Variants in TTN observed in about 807,000 individuals in gnomAD.
The protein encoded by TTN is titin.
A neutral mutation model predicts 3,223.0 loss-of-function variants in TTN; 1,525 were observed. The observed-to-expected ratio is 0.47, with a 90% confidence interval of 0.45 to 0.49. The LOEUF (loss-of-function observed/expected upper bound fraction) is 0.49. Among genes scored for constraint, TTN ranks in the 20% least tolerant of loss-of-function variants. The pLI, the probability that TTN is intolerant of heterozygous loss-of-function variation, is 0.00. For missense variants in TTN, 40,786 were observed against 43,424.0 expected, an observed-to-expected ratio of 0.94 and a Z score of 5.40; for synonymous variants, 14,094 against 15,161.0, an observed-to-expected ratio of 0.93 and a Z score of 5.17.
Position 178,560,381 on chromosome 2 carries a change from C to T in TTN, c.85751G>A (p.Gly28584Glu), listed in dbSNP as rs992420765. 1.9e-6 allele frequency: 3 copies of T among 1,613,660 alleles called. No homozygotes were observed. The highest frequency in any genetic ancestry group is 3.3e-5 in the Admixed American group (2 of 59,984). ...PESDGGSEIS[G>E]YIIERREKNS... ...TTTCTCTCGCCTTTCAATTATATAT[C>T]CAGATATTTCACTACCTCCATCACT... The change falls in exon 326 of 363, where the codon GGA becomes GAA. Residue 28584 changes from glycine (G) to glutamate (E), a missense_variant. Physicochemically the swap from Gly to Glu is moderately conservative, Grantham distance 98. Coordinates refer to ENST00000589042, the MANE Select transcript of TTN (RefSeq NM_001267550.2).
In TTN at chr2:178,575,294, C is replaced by T. The variant is rs1383287130; in HGVS notation, c.70838G>A (p.Arg23613Lys). ...GGGTCTGCTTTCTCTAGGGGCACTT[C>T]TCCCCGCGCTGTTCACTGCCATCAC... is the stretch of plus-strand genomic sequence containing the variant. ...FQVMAVNSAG[R>K]SAPRESRPVI... The change falls in exon 326 of 363, where the codon AGA becomes AAA. Residue 23613 changes from arginine (R) to lysine (K), a missense_variant. Transcript: ENST00000589042. The surrounding 1 kb of genome is among the most constrained non-coding windows in gnomAD (Gnocchi z 4.0). 6.2e-7 allele frequency: 1 copy of T among 1,613,306 alleles called. No homozygotes were observed. Among genetic ancestry groups the T allele is most frequent in the Non-Finnish European group, 8.5e-7 (1 of 1,179,648 alleles).
intron 20 of TTN, 118 bp from the exon 21 acceptor site, chr2:178,781,381 G>T: frequency 8.8e-7 from 1 of 1,142,160 alleles, no homozygotes; most frequent in African/African-American, 1.5e-5. Flanking sequence ...CTAAACATAT[G>T]ACTAAGCTCC....
At chr2:178,749,288 T>C in intron 47 of TTN, 1 of 1,611,664 alleles carries the variant, frequency 6.2e-7, no homozygotes, top group Non-Finnish European at 8.5e-7. Context: ...TTGGTGCAGC[T>C]TTGATTTTTC....
At chr2:178,668,386 G>A (rs886421309) in intron 159 of TTN, among the ~76,000 whole-genome samples, 2 of 152,058 alleles carry the variant, frequency 1.3e-5, no homozygotes, top group African/African-American at 4.8e-5. Flanking sequence ...TAGTATAACA[G>A]GATGAACAAC....
At chr2:178,725,210 A>G (rs2079126610) in intron 71 of TTN, 158 bp downstream of exon 71, 2 of 758,306 alleles carry the variant, frequency 2.6e-6, no homozygotes, top group Non-Finnish European at 3.7e-6. Flanking sequence ...AACAGAAAAG[A>G]GTGTTTGAAA....
intron 119 of TTN, among the ~76,000 whole-genome samples, chr2:178,692,984 G>A (rs539637354): frequency 6.6e-6 from 1 of 151,936 alleles, no homozygotes; most frequent in Non-Finnish European, 1.5e-5. Context: ...TGGGATGGAG[G>A]GGGTGGAGCC....
chr2:178,695,869 A>G lies in TTN; in HGVS notation c.31203T>C (p.Tyr10401=). 2.8e-6 allele frequency: 4 copies of G among 1,453,542 alleles called. No individual in the cohort carries two copies. Among genetic ancestry groups the G allele is most frequent in the African/African-American group, 1.4e-5 (1 of 69,858 alleles). The allele number at this position is 1,453,542 out of a possible 1,614,324, so 90.0% of individuals were successfully genotyped here. Residue 10401 remains tyrosine (Y), a synonymous_variant, in exon 114 of 363, where the codon TAT becomes TAC. Transcript: ENST00000589042. ...REVIQVQKEV[Y]EESHERKVPA... is the part of the protein sequence containing the mutation. The stretch of plus-strand genomic sequence containing the variant: ...AGTCATTCAGTTTATACATACCTTC[A>G]TAGACCTCCTTTTGAACTTGAATTA...
At chr2:178,758,807 A>C in intron 44 of TTN, 177 bp downstream of exon 44, 1 of 681,314 alleles carries the variant, frequency 1.5e-6, no homozygotes, top group African/African-American at 1.8e-5. Flanking sequence ...TATGATTCAC[A>C]ATGAAAAGTG....
intron 113 of TTN, among the ~76,000 whole-genome samples, chr2:178,696,809 C>G (rs1037584972): frequency 6.6e-6 from 1 of 151,980 alleles, no homozygotes; most frequent in Non-Finnish European, 1.5e-5. Context: ...CTTAAGGGCT[C>G]TCATTATTTA....
At chr2:178,646,967 A>C in intron 215 of TTN, 97 bp downstream of exon 215, 1 of 413,258 alleles carries the variant, frequency 2.4e-6, no homozygotes, top group Non-Finnish European at 4.0e-6. Flanking sequence ...TCTTGTATAT[A>C]ATTTCAAGAA....
In TTN at chr2:178,713,713, G is replaced by A. The variant is rs943791259; in HGVS notation, c.26761+184C>T. ...ATTTTGGAAATTCCTCAAAAAGAAA[G>A]GGATATAACTTTTGAACATGGTTTT... On this transcript the variant is annotated intron_variant, in intron 92 of 362. Coordinates refer to ENST00000589042, the MANE Select transcript of TTN (RefSeq NM_001267550.2). The A allele has an allele frequency of 2.3e-5, 20 of 861,410 alleles. No individual in the cohort carries two copies. In the East Asian group the frequency reaches 4.9e-4, roughly 21 times the overall value. 53.4% of individuals were successfully genotyped at this position (861,410 alleles called of 1,614,324 possible). A position where few individuals can be genotyped will look rare whatever the true frequency, so the allele number is the denominator to read the frequency against.
chr2:178,650,127 G>T, intron 210 of TTN, 37 bp downstream of exon 210: 1 of 1,493,750 alleles, frequency 6.7e-7, no homozygotes, highest in South Asian at 1.3e-5. Flanking sequence ...AAAATGAAAT[G>T]ACTGTATTTT....
intron 29 of TTN, 167 bp downstream of exon 29, chr2:178,774,754 G>T: frequency 1.1e-6 from 1 of 885,838 alleles, no homozygotes; most frequent in Non-Finnish European, 1.7e-6. Context: ...TGGTCAAATT[G>T]TTAACATTCT....
At position 178,663,858 on chromosome 2, in the gene TTN, AG is replaced by A. The variant is rs2065278361; in HGVS notation, c.36408del (p.Leu12137TrpfsTer21). On this transcript the variant is annotated frameshift_variant, in exon 170 of 363. Transcript: ENST00000589042. LOFTEE classifies it high-confidence loss of function. ...SKEVIREEKV[P>X]LAPPKEPEVP... ...ACTTCAGGCTCTTTAGGAGGAGCCAAGGGCACTTTCTCTTCGCGGATAACCT... is the reference window on the plus strand; with the variant it reads ...ACTTCAGGCTCTTTAGGAGGAGCCAAGGCACTTTCTCTTCGCGGATAACCT... 1.2e-6 allele frequency: 2 copies of A among 1,613,032 alleles called. No homozygotes were observed. The highest frequency in any genetic ancestry group is 1.7e-6 in the Non-Finnish European group (2 of 1,179,714).
rs1064793888 is a variant in TTN, at chr2:178,546,248, C to CG, written c.95082dup (p.Gly31695ArgfsTer13). The CG allele has an allele frequency of 6.2e-7, 1 of 1,613,078 alleles. No individual in the cohort carries two copies. The highest frequency in any genetic ancestry group is 8.5e-7 in the Non-Finnish European group (1 of 1,179,282). On this transcript the variant is annotated frameshift_variant, in exon 342 of 363. Coordinates refer to ENST00000589042, the MANE Select transcript of TTN (RefSeq NM_001267550.2). LOFTEE classifies it high-confidence loss of function. ...ACCATGACAGACACGGCCTTGGTCCCGCTGGCATTTTTCACTGTTAAAGTG... is the reference window on the plus strand; with the variant it reads ...ACCATGACAGACACGGCCTTGGTCCCGGCTGGCATTTTTCACTGTTAAAGTG...
At position 178,633,811 on chromosome 2, in the gene TTN, A is replaced by G. The variant is rs2060100936; in HGVS notation, c.42682+6T>C. On this transcript the variant is annotated splice_donor_region_variant and intron_variant, in intron 231 of 362. Transcript: ENST00000589042. ...TGGCTATCTGGTTATACTTGGTTAC[A>G]TTTACCTAAGACCTTCAGCTGTGCT... 1.9e-6 allele frequency: 3 copies of G among 1,612,362 alleles called. No individual in the cohort carries two copies. The highest frequency in any genetic ancestry group is 2.5e-6 in the Non-Finnish European group (3 of 1,179,408).
chr2:178,565,749 T>C lies in TTN; in HGVS notation c.80383A>G (p.Thr26795Ala). ...GKVTLTDVSQTSASLMWEKPE... is the reference protein window; with the variant it reads ...GKVTLTDVSQASASLMWEKPE... ...TTCTCCCACATAAGTGATGCACTGG[T>C]CTGGGACACATCAGTGAGTGTAACC... Residue 26795 changes from threonine to alanine, a missense_variant, in exon 326 of 363, where the codon ACC becomes GCC. By Grantham distance (58) the Thr-to-Ala change is moderately conservative. Transcript: ENST00000589042. 1 of 1,613,558 alleles carries C rather than the reference T, an allele frequency of 6.2e-7. No individual in the cohort carries two copies. The highest frequency in any genetic ancestry group is 8.5e-7 in the Non-Finnish European group (1 of 1,179,620).
In TTN at chr2:178,607,124, A is replaced by G. The variant is rs1437694138; in HGVS notation, c.53478T>C (p.Gly17826=). 1.2e-5 allele frequency: 20 copies of G among 1,612,822 alleles called. No individual in the cohort carries two copies. The highest frequency in any genetic ancestry group is 1.7e-5 in the Admixed American group (1 of 59,956). ...ACTTATATTCTTGTCCCTCAAGCAG[A>G]CCTGTGATGTCACATTTAGATCTCT... The part of the protein sequence containing the change: ...ETERSKCDIT[G]LLEGQEYKFR... The change falls in exon 278 of 363, where the codon GGT becomes GGC. Residue 17826 remains glycine (G), a synonymous_variant. Coordinates refer to ENST00000589042, the MANE Select transcript of TTN (RefSeq NM_001267550.2).
intron 52 of TTN, 80 bp from the exon 53 acceptor site, chr2:178,733,972 A>T: frequency 7.4e-7 from 1 of 1,349,254 alleles, no homozygotes; most frequent in African/African-American, 1.5e-5. Flanking sequence ...AGTTTTTTCA[A>T]GATTATATTT....
Sources: allele counts gnomAD v4.1 joint callset (sites outside exome capture counted in the v4.1 genomes callset), GRCh38; gene constraint gnomAD v4.1.1; non-coding constraint Gnocchi (gnomAD v3.1); transcripts MANE v1.5; gene names NCBI Gene and HGNC (gene_info 2026-07-23, HGNC 2026-07-21).